Variants in EFCAB13 observed in about 807,000 individuals in gnomAD.
EFCAB13 encodes the protein EF-hand calcium binding domain 13.
A neutral mutation model predicts 110.2 loss-of-function variants in EFCAB13; 91 were observed. That is an observed-to-expected ratio of 0.83 (90% CI 0.70 to 0.98). EFCAB13 has a LOEUF of 0.98. Ranked by LOEUF, EFCAB13 falls within the 50% of genes least tolerant of loss-of-function variation. The pLI, the probability that EFCAB13 is intolerant of heterozygous loss-of-function variation, is 0.00. For synonymous variants in EFCAB13, 323 were observed against 369.9 expected (o/e 0.87, Z 1.45); for missense variants, 968 against 1,119.4 (o/e 0.86, Z 1.93).
At chr17:47,378,812 G>C (rs1234889996) in intron 13 of EFCAB13, among the ~76,000 whole-genome samples, 2 of 152,116 alleles carry the variant, frequency 1.3e-5, no homozygotes, top group Non-Finnish European at 2.9e-5. Context: ...TTTCAAGATG[G>C]TATGAAATAG....
intron 8 of EFCAB13, among the ~76,000 whole-genome samples, chr17:47,347,379 T>C (rs890354274): frequency 2.0e-5 from 3 of 152,204 alleles, no homozygotes; most frequent in African/African-American, 7.2e-5. Context: ...AGACATTTTT[T>C]TGAGAATTTC....
chr17:47,368,966 A>G (rs183795628), intron 10 of EFCAB13, among the ~76,000 whole-genome samples: 60 of 152,338 alleles, frequency 3.9e-4, no homozygotes, highest in African/African-American at 1.4e-3. Context: ...AAGGATGCCA[A>G]TGATGTACCA....
At position 47,395,957 on chromosome 17, in the gene EFCAB13, T is replaced by C. The variant is rs555824646; in HGVS notation, c.1925T>C (p.Leu642Ser). The change falls in exon 17 of 25, where the codon TTG (leucine) becomes TCG (serine). Residue 642 changes from leucine (L) to serine (S), a missense_variant. By Grantham distance (145) the Leu-to-Ser change is moderately radical. Transcript: ENST00000331493. Reference sequence around the variant, plus strand: ...AAAAAGGATGAATTTCTAGCTGCATTGGAACTAGTGACAGTTGATGGTGAG... The same window carrying C: ...AAAAAGGATGAATTTCTAGCTGCATCGGAACTAGTGACAGTTGATGGTGAG... ...NLKKDEFLAA[L>S]ELVTVDEGDK... 8.1e-6 allele frequency: 13 copies of C among 1,607,966 alleles called. No individual in the cohort carries two copies. The Admixed American group carries it at 1.0e-4, about 12-fold the overall frequency.
chr17:47,373,494 A>T (rs1380802969), intron 11 of EFCAB13, among the ~76,000 whole-genome samples: 1 of 151,902 alleles, frequency 6.6e-6, no homozygotes, highest in South Asian at 2.1e-4. Context: ...TGTCTCCTTG[A>T]TTTTTCATGT....
At chr17:47,329,431 A>G (rs1302734203) in intron 4 of EFCAB13, among the ~76,000 whole-genome samples, 3 of 152,166 alleles carry the variant, frequency 2.0e-5, no homozygotes, top group Non-Finnish European at 4.4e-5. Flanking sequence ...ACATGTACCT[A>G]TACTATAGTC....
intron 23 of EFCAB13, among the ~76,000 whole-genome samples, chr17:47,421,054 C>A (rs1479741867): frequency 6.6e-6 from 1 of 151,502 alleles, no homozygotes; most frequent in Non-Finnish European, 1.5e-5. Context: ...CCAGCCACCC[C>A]GCCCGGGAGG....
Position 47,412,593 on chromosome 17 carries a change from G to T in EFCAB13, c.2279-180G>T, listed in dbSNP as rs139036003. Among the ~76,000 whole-genome samples, 174 of 152,258 alleles carry T rather than the reference G, an allele frequency of 1.1e-3. 3 individuals are homozygous for T. The East Asian group carries it at 0.027, about 24-fold the overall frequency. On this transcript the variant is annotated intron_variant, in intron 21 of 24. Transcript: ENST00000331493. ...ATTCTCTTTGCCATAATGTTTTTTAGTTTCAAGTGCTGCTTGAGGGAAGTG... is the reference window on the plus strand; with the variant it reads ...ATTCTCTTTGCCATAATGTTTTTTATTTTCAAGTGCTGCTTGAGGGAAGTG...
At chr17:47,387,283 G>A (rs2065681679) in intron 14 of EFCAB13, among the ~76,000 whole-genome samples, 1 of 152,164 alleles carries the variant, frequency 6.6e-6, no homozygotes, top group Non-Finnish European at 1.5e-5. Flanking sequence ...ATGTGTATTT[G>A]CAGCAGTTGG....
chr17:47,370,414 T>C (rs767735298), intron 10 of EFCAB13, 23 bp from the exon 11 acceptor site: 8 of 1,417,366 alleles, frequency 5.6e-6, no homozygotes, highest in Non-Finnish European at 7.0e-6. Context: ...GTAAATACAG[T>C]ATTTGAACTT....
At position 47,403,781 on chromosome 17, in the gene EFCAB13, C is replaced by G. The variant is rs1037084997; in HGVS notation, c.2018-97C>G. On this transcript the variant is annotated intron_variant, in intron 18 of 24. Coordinates refer to ENST00000331493, the MANE Select transcript of EFCAB13 (RefSeq NM_152347.5). Reference sequence around the variant, plus strand: ...TTTCTCTCTGAGATTTCTTATTCCTCAGTTCAGGATACAATAATAAACTAT... The same window carrying G: ...TTTCTCTCTGAGATTTCTTATTCCTGAGTTCAGGATACAATAATAAACTAT... 5.8e-6 allele frequency: 6 copies of G among 1,036,166 alleles called. No homozygotes were observed. The Middle Eastern group carries it at 8.8e-4, about 153-fold the overall frequency. The allele number at this position is 1,036,166 out of a possible 1,614,324, so 64.2% of individuals were successfully genotyped here.
intron 11 of EFCAB13, 144 bp downstream of exon 11, chr17:47,370,652 T>C (rs2065576795): frequency 3.7e-6 from 2 of 546,106 alleles, no homozygotes; most frequent in Non-Finnish European, 6.3e-6. Flanking sequence ...AGATAAAATA[T>C]AATACTCAAA....
chr17:47,324,488 A>T lies in EFCAB13; in HGVS notation c.-283A>T, dbSNP rs1170018149. 1 of 152,076 alleles carries T rather than the reference A, an allele frequency of 6.6e-6. No individual in the cohort carries two copies. The highest frequency in any genetic ancestry group is 1.9e-4 in the East Asian group (1 of 5,184). The allele number at this position is 152,076 out of a possible 1,614,324, so 9.4% of individuals were successfully genotyped here. A position where few individuals can be genotyped will look rare whatever the true frequency, so the allele number is the denominator to read the frequency against. ...GCTTCGTAAGAGCAGGGTCTATGGG[A>T]AGCCTCCTCAGCGTGGGTTCTTGGA... On this transcript the variant is annotated 5_prime_UTR_variant, in exon 2 of 25. Coordinates refer to ENST00000331493, the MANE Select transcript of EFCAB13 (RefSeq NM_152347.5).
intron 20 of EFCAB13, 88 bp downstream of exon 20, chr17:47,404,721 A>AC: frequency 1.0e-6 from 1 of 967,014 alleles, no homozygotes; most frequent in African/African-American, 1.6e-5. Context: ...TTGGTGTTTA[A>AC]ATCTTCTTTA....
Position 47,395,936 on chromosome 17 carries a change from A to C in EFCAB13, c.1904A>C (p.Lys635Thr), listed in dbSNP as rs1330121467. The C allele has an allele frequency of 6.2e-7, 1 of 1,609,312 alleles. No individual in the cohort carries two copies. The highest frequency in any genetic ancestry group is 8.5e-7 in the Non-Finnish European group (1 of 1,176,916). Residue 635 changes from lysine (K) to threonine (T), a missense_variant, in exon 17 of 25, where the codon AAG becomes ACG. Physicochemically the swap from Lys to Thr is moderately conservative, Grantham distance 78. Coordinates refer to ENST00000331493, the MANE Select transcript of EFCAB13 (RefSeq NM_152347.5). ...TCTAGTTTGAATAGTAATTTAAAAAAGGATGAATTTCTAGCTGCATTGGAA... is the reference window on the plus strand; with the variant it reads ...TCTAGTTTGAATAGTAATTTAAAAACGGATGAATTTCTAGCTGCATTGGAA... ...TLSSLNSNLK[K>T]DEFLAALELV...
At chr17:47,398,985 G>A (rs2065764256) in intron 17 of EFCAB13, among the ~76,000 whole-genome samples, 1 of 152,144 alleles carries the variant, frequency 6.6e-6, no homozygotes, top group Non-Finnish European at 1.5e-5. Flanking sequence ...GTGCAGTGGC[G>A]CAATCTCGGC....
chr17:47,323,981 A>T lies in EFCAB13; in HGVS notation c.-411A>T, dbSNP rs897498923. On this transcript the variant is annotated 5_prime_UTR_variant, in exon 1 of 25. Transcript: ENST00000331493. ...CGGCGCGGGATCCTGGGAAGGCTGC[A>T]GAGCTAGAGCAGCGCCGCCCGAGGG... 1 of 152,198 alleles carries T rather than the reference A, an allele frequency of 6.6e-6. No homozygotes were observed. Among genetic ancestry groups the T allele is most frequent in the African/African-American group, 2.4e-5 (1 of 41,402 alleles). The allele number at this position is 152,198 out of a possible 1,614,324, so 9.4% of individuals were successfully genotyped here. A position where few individuals can be genotyped will look rare whatever the true frequency, so the allele number is the denominator to read the frequency against.
At chr17:47,342,339 T>TGAA (rs2065390327) in intron 6 of EFCAB13, among the ~76,000 whole-genome samples, 1 of 152,182 alleles carries the variant, frequency 6.6e-6, no homozygotes, top group African/African-American at 2.4e-5. Flanking sequence ...AGGTGTTCTT[T>TGAA]GGTTTGTGGC....
chr17:47,398,611 G>A (rs2065761393), intron 17 of EFCAB13, among the ~76,000 whole-genome samples: 1 of 151,652 alleles, frequency 6.6e-6, no homozygotes, highest in Admixed American at 6.6e-5. Flanking sequence ...ATGGATTAAG[G>A]GCGGTGCAAG....
At chr17:47,350,848 C>T (rs1329175013) in intron 9 of EFCAB13, among the ~76,000 whole-genome samples, 1 of 152,142 alleles carries the variant, frequency 6.6e-6, no homozygotes, top group Non-Finnish European at 1.5e-5. Context: ...CTGATGTTAG[C>T]AATTCTTCTC....
Sources: allele counts gnomAD v4.1 joint callset (sites outside exome capture counted in the v4.1 genomes callset), GRCh38; gene constraint gnomAD v4.1.1; transcripts MANE v1.5; gene names NCBI Gene and HGNC (gene_info 2026-07-23, HGNC 2026-07-21).